The following TRPM6 variants were observed in gnomAD, a reference collection of about 807,000 sequenced individuals.
The protein encoded by TRPM6 is transient receptor potential cation channel subfamily M member 6, also known as channel kinase 2.
In TRPM6, 111 loss-of-function variants were observed where a neutral mutation model predicts 247.6. The observed-to-expected ratio is 0.45, with a 90% CI of 0.38 to 0.52. The LOEUF (loss-of-function observed/expected upper bound fraction) is 0.52. Ranked by LOEUF, TRPM6 falls within the 20% of genes least tolerant of loss-of-function variation. The pLI is 0.00. For missense variants in TRPM6, 2,126 were observed against 2,421.5 expected (o/e 0.88, Z 2.56); for synonymous variants, 892 against 853.8 (o/e 1.04, Z -0.78).
In TRPM6 at chr9:74,796,774, C is replaced by G. The variant is rs762635066; in HGVS notation, c.2358G>C (p.Gln786His). 1 of 1,614,000 alleles carries G rather than the reference C, an allele frequency of 6.2e-7. No individual in the cohort carries two copies. The highest frequency in any genetic ancestry group is 1.1e-5 in the South Asian group (1 of 91,076). ...CACTTTCTTTGGAACTGCTGGCGTT[C>G]TGGTCACTGTAATACCACATAAATT... ...DFQFMWYYSD[Q>H]NASSSKESAS... Residue 786 changes from glutamine to histidine, a missense_variant, in exon 18 of 39, where the codon CAG (glutamine) becomes CAC (histidine). Gln to His is a conservative substitution (Grantham distance 24). This residue lies in a region of TRPM6 where 1,082 missense variants were observed against 1,307.9 expected (regional missense o/e 0.83). Coordinates refer to ENST00000360774, the MANE Select transcript of TRPM6 (RefSeq NM_017662.5).
At chr9:74,731,605 C>G (rs909505295) in intron 37 of TRPM6, among the ~76,000 whole-genome samples, 1 of 151,308 alleles carries the variant, frequency 6.6e-6, no homozygotes. Flanking sequence ...AGTAAAATAA[C>G]ACAGCACTAA....
At chr9:74,748,088 C>T (rs1826113658) in intron 30 of TRPM6, among the ~76,000 whole-genome samples, 174 bp from the exon 31 acceptor site, 1 of 152,144 alleles carries the variant, frequency 6.6e-6, no homozygotes, top group African/African-American at 2.4e-5. Flanking sequence ...CAACAGACAG[C>T]ATATATTACA....
chr9:74,793,673 C>T (rs2118977991), intron 18 of TRPM6, among the ~76,000 whole-genome samples: 1 of 152,296 alleles, frequency 6.6e-6, no homozygotes, highest in South Asian at 2.1e-4. Flanking sequence ...TCAGGCACTG[C>T]ATTAGTTTTA....
chr9:74,794,371 T>C (rs1828016457), intron 18 of TRPM6, among the ~76,000 whole-genome samples: 1 of 152,226 alleles, frequency 6.6e-6, no homozygotes, highest in Non-Finnish European at 1.5e-5. Context: ...AATGTGACTT[T>C]TAAGGCCTCG....
chr9:74,882,409 G>C (rs1210251056), intron 1 of TRPM6, among the ~76,000 whole-genome samples: 1 of 152,072 alleles, frequency 6.6e-6, no homozygotes, highest in African/African-American at 2.4e-5. Context: ...CAACTCAACA[G>C]TAAACACAAA....
intron 14 of TRPM6, among the ~76,000 whole-genome samples, chr9:74,804,174 C>T (rs1041524332): frequency 5.3e-5 from 8 of 152,146 alleles, no homozygotes; most frequent in Non-Finnish European, 7.3e-5. Context: ...ACCTTCACTA[C>T]GTGGAAATTC....
At position 74,821,778 on chromosome 9, in the gene TRPM6, G is replaced by A. The variant is rs1473014574; in HGVS notation, c.901C>T (p.Leu301=). 3.1e-5 allele frequency: 50 copies of A among 1,614,170 alleles called. No homozygotes were observed. Among genetic ancestry groups the A allele is most frequent in the Non-Finnish European group, 4.2e-5 (50 of 1,180,046 alleles). ...LVVEGGPNVI[L]SVWETVKDKD... is the part of the protein sequence containing the mutation. ...TCCTTGACAGTCTCCCACACTGACA[G>A]GATGACGTTGGGACCGCCTTCCACC... The change falls in exon 8 of 39, where the codon CTG becomes TTG. Residue 301 remains leucine, a synonymous_variant. Transcript: ENST00000360774.
At chr9:74,860,042 C>T (rs1564054729) in intron 1 of TRPM6, among the ~76,000 whole-genome samples, 1 of 152,134 alleles carries the variant, frequency 6.6e-6, no homozygotes, top group African/African-American at 2.4e-5. Flanking sequence ...CAATCCTAAA[C>T]GTAAGTGTTC....
At chr9:74,812,152 G>A (rs1828752741) in intron 12 of TRPM6, 147 bp downstream of exon 12, 1 of 1,008,150 alleles carries the variant, frequency 9.9e-7, no homozygotes. Context: ...AAAGAAGCCT[G>A]GAACTAGATC....
At chr9:74,728,567 A>G (rs912855074) in intron 37 of TRPM6, among the ~76,000 whole-genome samples, 25 of 152,204 alleles carry the variant, frequency 1.6e-4, no homozygotes, top group Admixed American at 1.6e-3. Flanking sequence ...TGTGAAACGC[A>G]TTTCAACGGC....
At chr9:74,886,626 G>C (rs1350047188) in intron 1 of TRPM6, among the ~76,000 whole-genome samples, 1 of 151,908 alleles carries the variant, frequency 6.6e-6, no homozygotes, top group Admixed American at 6.6e-5. Context: ...AACCGGTGGA[G>C]ATGGGAGAGA....
At chr9:74,872,636 G>A (rs1029567438) in intron 1 of TRPM6, among the ~76,000 whole-genome samples, 5 of 148,440 alleles carry the variant, frequency 3.4e-5, no homozygotes, top group South Asian at 2.1e-4. Context: ...ATGCGCGCAC[G>A]TGTGTACATG....
intron 30 of TRPM6, 85 bp from the exon 31 acceptor site, chr9:74,747,999 G>A: frequency 1.7e-6 from 2 of 1,181,578 alleles, no homozygotes; most frequent in Non-Finnish European, 2.5e-6. Context: ...ACATGGAACA[G>A]TAACAACACA....
intron 24 of TRPM6, among the ~76,000 whole-genome samples, chr9:74,773,302 G>T (rs527630706): frequency 6.6e-6 from 1 of 152,302 alleles, no homozygotes; most frequent in South Asian, 2.1e-4. Context: ...GAAGAAGGCA[G>T]TCTATTGAAA....
chr9:74,736,956 G>T (rs935315091), intron 36 of TRPM6, among the ~76,000 whole-genome samples: 3 of 150,668 alleles, frequency 2.0e-5, no homozygotes, highest in East Asian at 1.9e-4. Flanking sequence ...TTCTTTCGTT[G>T]TTTTTTTTTG....
At chr9:74,730,559 C>T (rs1171756246) in intron 37 of TRPM6, among the ~76,000 whole-genome samples, 1 of 152,148 alleles carries the variant, frequency 6.6e-6, no homozygotes, top group Non-Finnish European at 1.5e-5. Flanking sequence ...AAAGCACTTG[C>T]TTAAATCAGT....
chr9:74,854,590 T>G (rs916028981), intron 3 of TRPM6, among the ~76,000 whole-genome samples: 2 of 152,208 alleles, frequency 1.3e-5, no homozygotes, highest in African/African-American at 4.8e-5. Flanking sequence ...CTCCTCCTTC[T>G]TCTCGTTCCA....
intron 38 of TRPM6, among the ~76,000 whole-genome samples, chr9:74,728,012 T>C (rs1265088601): frequency 1.3e-5 from 2 of 152,154 alleles, no homozygotes; most frequent in African/African-American, 4.8e-5. Context: ...CTGTGACAAG[T>C]ATTGGGCCCC....
intron 1 of TRPM6, among the ~76,000 whole-genome samples, chr9:74,864,338 C>G (rs1298018511): frequency 6.6e-6 from 1 of 152,178 alleles, no homozygotes; most frequent in African/African-American, 2.4e-5. Context: ...AATCTGTTGG[C>G]TCAGGGAATC....
Sources: allele counts gnomAD v4.1 joint callset (sites outside exome capture counted in the v4.1 genomes callset), GRCh38; gene constraint gnomAD v4.1.1; regional missense constraint gnomAD v4.1.1; transcripts MANE v1.5; gene names NCBI Gene and HGNC (gene_info 2026-07-23, HGNC 2026-07-21).